MOCOS: variants seen among roughly 807,000 people sequenced by gnomAD.
MOCOS encodes the protein human molybdenum cofactor sulfurase.
A neutral mutation model predicts 83.6 loss-of-function variants in MOCOS; 86 were observed. That is an observed-to-expected ratio of 1.03 (90% CI 0.86 to 1.23). MOCOS has a LOEUF of 1.23. Among genes scored for constraint, MOCOS ranks in the 50% most tolerant of loss-of-function variants. The pLI, the probability that MOCOS is intolerant of heterozygous loss-of-function variation, is 0.00. For missense variants in MOCOS, 1,120 were observed against 1,126.9 expected (o/e 0.99, Z 0.09); for synonymous variants, 445 against 434.7 (o/e 1.02, Z -0.29).
At chr18:36,205,899 C>G (rs1040932416) in intron 6 of MOCOS, among the ~76,000 whole-genome samples, 10 of 151,994 alleles carry the variant, frequency 6.6e-5, no homozygotes, top group African/African-American at 2.4e-4. Flanking sequence ...ACCACCACAC[C>G]TGGCTAATTT....
chr18:36,234,062 T>G (rs1447586003), intron 9 of MOCOS, among the ~76,000 whole-genome samples: 1 of 152,220 alleles, frequency 6.6e-6, no homozygotes, highest in Non-Finnish European at 1.5e-5. Flanking sequence ...TATCTTTGTT[T>G]TAGTTGCATT....
chr18:36,241,120 G>GA (rs2091580940), intron 9 of MOCOS, among the ~76,000 whole-genome samples: 1 of 152,150 alleles, frequency 6.6e-6, no homozygotes, highest in African/African-American at 2.4e-5. Flanking sequence ...GGGAGCTGTA[G>GA]ACCGGAGCTG....
chr18:36,266,601 A>G (rs2091682696), intron 13 of MOCOS, 148 bp from the exon 14 acceptor site: 4 of 708,320 alleles, frequency 5.6e-6, no homozygotes, highest in Non-Finnish European at 1.0e-5. Flanking sequence ...ACAAATGCAG[A>G]TGATTCCCCA....
intron 8 of MOCOS, among the ~76,000 whole-genome samples, chr18:36,218,852 T>TA (rs1189000525): frequency 6.8e-6 from 1 of 147,250 alleles, no homozygotes. Context: ...TTTATTTATT[T>TA]ATTTATTTAT....
intron 9 of MOCOS, among the ~76,000 whole-genome samples, chr18:36,236,971 C>T (rs1450592056): frequency 6.6e-6 from 1 of 152,136 alleles, no homozygotes; most frequent in Non-Finnish European, 1.5e-5. Flanking sequence ...GTGATTTTTG[C>T]ACATTGATTT....
intron 8 of MOCOS, among the ~76,000 whole-genome samples, chr18:36,219,784 T>C (rs1383897735): frequency 6.6e-6 from 1 of 152,232 alleles, no homozygotes; most frequent in Non-Finnish European, 1.5e-5. Context: ...TCTTGTACTC[T>C]CTGAATGTCA....
At chr18:36,203,023 C>G (rs1288034033) in intron 4 of MOCOS, 90 bp from the exon 5 acceptor site, 1 of 1,271,264 alleles carries the variant, frequency 7.9e-7, no homozygotes, top group African/African-American at 1.5e-5. Context: ...AACAGCTAAG[C>G]CTAAAATCTA....
chr18:36,229,438 T>A (rs1201423542), intron 9 of MOCOS, among the ~76,000 whole-genome samples: 1 of 152,200 alleles, frequency 6.6e-6, no homozygotes, highest in African/African-American at 2.4e-5. Context: ...TTTTCCTTCC[T>A]TTTGACTTTT....
At chr18:36,193,956 C>T (rs2091376732) in intron 1 of MOCOS, among the ~76,000 whole-genome samples, 1 of 152,162 alleles carries the variant, frequency 6.6e-6, no homozygotes, top group African/African-American at 2.4e-5. Flanking sequence ...ACTATTCTGC[C>T]ATAACAGGAA....
Position 36,220,146 on chromosome 18 carries a change from A to G in MOCOS, c.1889A>G (p.Gln630Arg), listed in dbSNP as rs2091490635. Residue 630 changes from glutamine to arginine, a missense_variant, in exon 9 of 15, where the codon CAG (glutamine) becomes CGG (arginine). Transcript: ENST00000261326. ...NHNGVCLSQK[Q>R]EPRLCLIQPF... ...AATGGTGTTTGCCTGAGTCAGAAGC[A>G]GGAACCCCGGCTCTGCCTGATCCAG... The G allele has an allele frequency of 1.9e-6, 3 of 1,614,056 alleles. No homozygotes were observed. Among genetic ancestry groups the G allele is most frequent in the East Asian group, 2.2e-5 (1 of 44,884 alleles).
intron 5 of MOCOS, 78 bp from the exon 6 acceptor site, chr18:36,204,996 CAAA>C (rs10685658): frequency 1.7e-3 from 730 of 424,884 alleles, no homozygotes; most frequent in East Asian, 5.3e-3. Context: ...GACCGTGTCT[CAAA>C]AAAAAAAAAA....
chr18:36,202,472 G>T (rs1395106923), intron 4 of MOCOS, among the ~76,000 whole-genome samples: 1 of 152,112 alleles, frequency 6.6e-6, no homozygotes, highest in Non-Finnish European at 1.5e-5. Flanking sequence ...GAGATAACAG[G>T]CATGAGCCAC....
chr18:36,231,809 G>A (rs1167787529), intron 9 of MOCOS, among the ~76,000 whole-genome samples: 2 of 152,054 alleles, frequency 1.3e-5, no homozygotes, highest in Admixed American at 6.6e-5. Context: ...GGATGTGATC[G>A]CCCCCATTCA....
intron 9 of MOCOS, among the ~76,000 whole-genome samples, chr18:36,222,714 G>T (rs1289323609): frequency 1.3e-5 from 2 of 151,428 alleles, no homozygotes; most frequent in Non-Finnish European, 2.9e-5. Flanking sequence ...CCATTCTCCT[G>T]CCTCAGCCTT....
At chr18:36,207,178 A>G (rs1432061671) in intron 6 of MOCOS, among the ~76,000 whole-genome samples, 1 of 152,154 alleles carries the variant, frequency 6.6e-6, no homozygotes, top group Non-Finnish European at 1.5e-5. Flanking sequence ...TTGGAATTAC[A>G]GATGTGCACC....
At chr18:36,197,115 C>T (rs1396885197) in intron 2 of MOCOS, among the ~76,000 whole-genome samples, 1 of 152,054 alleles carries the variant, frequency 6.6e-6, no homozygotes, top group East Asian at 1.9e-4. Flanking sequence ...GGGCCTTCCT[C>T]CTTGAAAGTG....
At chr18:36,217,016 T>C (rs2091478356) in intron 8 of MOCOS, among the ~76,000 whole-genome samples, 1 of 152,136 alleles carries the variant, frequency 6.6e-6, no homozygotes, top group South Asian at 2.1e-4. Context: ...CTCAAAAATA[T>C]CATGGTTGTG....
Position 36,272,129 on chromosome 18 carries a change from T to C in MOCOS, c.*3444T>C, listed in dbSNP as rs902413906. ...TTTTTTGTATGACTTATGATATTCATGATAATTAAAACGTTTTGGAACAAT... is the reference window on the plus strand; with the variant it reads ...TTTTTTGTATGACTTATGATATTCACGATAATTAAAACGTTTTGGAACAAT... On this transcript the variant is annotated 3_prime_UTR_variant, in exon 15 of 15. Coordinates refer to ENST00000261326, the MANE Select transcript of MOCOS (RefSeq NM_017947.4). 1 of 152,228 alleles carries C rather than the reference T, an allele frequency of 6.6e-6. No homozygotes were observed. Among genetic ancestry groups the C allele is most frequent in the Non-Finnish European group, 1.5e-5 (1 of 68,048 alleles). 9.4% of individuals were successfully genotyped at this position (152,228 alleles called of 1,614,324 possible). A position where few individuals can be genotyped will look rare whatever the true frequency, so the allele number is the denominator to read the frequency against.
intron 11 of MOCOS, among the ~76,000 whole-genome samples, chr18:36,255,308 G>A (rs1233099597): frequency 6.6e-6 from 1 of 152,164 alleles, no homozygotes; most frequent in African/African-American, 2.4e-5. Flanking sequence ...GTATGTGACC[G>A]AAGCACTGGA....
Sources: allele counts gnomAD v4.1 joint callset (sites outside exome capture counted in the v4.1 genomes callset), GRCh38; gene constraint gnomAD v4.1.1; transcripts MANE v1.5; gene names NCBI Gene and HGNC (gene_info 2026-07-23, HGNC 2026-07-21).